Variants in P3H1 observed in about 807,000 individuals in gnomAD.
P3H1 encodes the protein growth suppressor 1.
Under a neutral mutation model 84.0 loss-of-function variants are expected in P3H1, and 69 were observed. That is an observed-to-expected ratio of 0.82 (90% CI 0.68 to 1.00). The LOEUF (loss-of-function observed/expected upper bound fraction) is 1.00, where lower values mean the gene tolerates loss of function less well. P3H1 is among the 50% of genes least tolerant of loss of function. P3H1 has a pLI of 0.00. For missense variants in P3H1, 878 were observed against 962.8 expected, an observed-to-expected ratio of 0.91 and a Z score of 1.17; for synonymous variants, 366 against 388.8, an observed-to-expected ratio of 0.94 and a Z score of 0.69.
In P3H1 at chr1:42,756,349, G is replaced by A. The variant is rs569962535; in HGVS notation, c.1081-712C>T. ...CCTCCCTGAGGATAAGCAGCTAAAG[G>A]GGAGGGCCTGGCACTCTGGGCTTCC... On this transcript the variant is annotated intron_variant, in intron 5 of 14. Transcript: ENST00000296388. The A allele has an allele frequency of 7.1e-3, 1,091 of 153,992 alleles. 7 individuals are homozygous for A. The highest frequency in any genetic ancestry group is 0.013 in the Non-Finnish European group (862 of 68,288). The allele number at this position is 153,992 out of a possible 1,614,324, so 9.5% of individuals were successfully genotyped here. A position where few individuals can be genotyped will look rare whatever the true frequency, so the allele number is the denominator to read the frequency against.
At chr1:42,757,098 G>T (rs1182758657) in intron 5 of P3H1, among the ~76,000 whole-genome samples, 6 of 152,170 alleles carry the variant, frequency 3.9e-5, no homozygotes, top group Non-Finnish European at 8.8e-5. Flanking sequence ...CAGGGAAAAG[G>T]TATTAACCAA....
At chr1:42,757,352 G>A (rs1416261266) in intron 5 of P3H1, among the ~76,000 whole-genome samples, 1 of 152,126 alleles carries the variant, frequency 6.6e-6, no homozygotes, top group East Asian at 1.9e-4. Flanking sequence ...TGAAAGATGG[G>A]AGAGAACAAA....
chr1:42,755,288 A>G (rs997318841), intron 6 of P3H1, 71 bp from the exon 7 acceptor site: 1 of 1,426,392 alleles, frequency 7.0e-7, no homozygotes, highest in Non-Finnish European at 9.9e-7. Context: ...CAATGCATAA[A>G]ATAAGGCCCA....
chr1:42,748,403 A>C, intron 11 of P3H1, 86 bp from the exon 12 acceptor site: 2 of 1,013,582 alleles, frequency 2.0e-6, no homozygotes, highest in Non-Finnish European at 3.1e-6. Context: ...GCTTCCCAAA[A>C]TGTGTTTGAG....
Position 42,750,198 on chromosome 1 carries a change from T to C in P3H1, c.1708A>G (p.Thr570Ala). The C allele has an allele frequency of 6.2e-7, 1 of 1,612,170 alleles. No homozygotes were observed. Among genetic ancestry groups the C allele is most frequent in the East Asian group, 2.2e-5 (1 of 44,800 alleles). The change falls in exon 11 of 15, where the codon ACT becomes GCT. Residue 570 changes from threonine to alanine, a missense_variant. By Grantham distance (58) the Thr-to-Ala change is moderately conservative. Transcript: ENST00000296388. ...TAATGAGGCCCACCTTCGATGGCAG[T>C]GCGGCACACCAGATGAGAGTAGGAA... Reference protein sequence around the residue: ...YFSYSHLVCRTAIEEVQAERK... With the variant: ...YFSYSHLVCRAAIEEVQAERK...
intron 1 of P3H1, among the ~76,000 whole-genome samples, chr1:42,764,423 C>CAAAAAA (rs769981372): frequency 2.4e-5 from 2 of 84,898 alleles, no homozygotes; most frequent in Non-Finnish European, 4.7e-5. Context: ...GACTCCATCT[C>CAAAAAA]AAAAAAAAAA....
chr1:42,762,245 T>G, intron 2 of P3H1, 78 bp downstream of exon 2: 1 of 1,480,766 alleles, frequency 6.8e-7, no homozygotes, highest in Non-Finnish European at 9.4e-7. Context: ...CACTCCAGCC[T>G]GGGTGACAGA....
At position 42,758,917 on chromosome 1, in the gene P3H1, C is replaced by T. The variant is rs769898182; in HGVS notation, c.875G>A (p.Arg292Gln). ...GAGGAAGTCTTCAAAGGGCTTCTCT[C>T]GACTTGGGTGGGAAGCAAGCTCCGT... ...CVTELASHPS[R>Q]EKPFEDFLPS... Residue 292 changes from arginine to glutamine, a missense_variant, in exon 4 of 15, where the codon CGA becomes CAA. Transcript: ENST00000296388. 2.1e-5 allele frequency: 34 copies of T among 1,613,996 alleles called. No homozygotes were observed. Among genetic ancestry groups the T allele is most frequent in the Non-Finnish European group, 2.8e-5 (33 of 1,179,990 alleles).
chr1:42,746,921 A>T (rs779131482), intron 14 of P3H1, 69 bp from the exon 15 acceptor site: 1 of 1,614,108 alleles, frequency 6.2e-7, no homozygotes, highest in Non-Finnish European at 8.5e-7. Flanking sequence ...CTCAGCTGCT[A>T]CTTCCCAGGG....
intron 10 of P3H1, among the ~76,000 whole-genome samples, chr1:42,751,259 G>A (rs377054146): frequency 2.0e-4 from 19 of 95,510 alleles, no homozygotes; most frequent in African/African-American, 7.5e-4. Flanking sequence ...CTGTTGATCT[G>A]TGACCTTATC....
At chr1:42,750,149 A>T (rs1187904062) in intron 11 of P3H1, 37 bp downstream of exon 11, 3 of 1,604,520 alleles carry the variant, frequency 1.9e-6, no homozygotes, top group Admixed American at 3.4e-5. Flanking sequence ...GAGGTACAGC[A>T]TGCGGGGGCG....
rs1351698192 is a variant in P3H1 at position 42,747,856 on chromosome 1, C to CTTCA, written c.1839-62_1839-59dup. On this transcript the variant is annotated intron_variant, in intron 12 of 14. Coordinates refer to ENST00000296388, the MANE Select transcript of P3H1 (RefSeq NM_022356.4). ...TTCCCTGCCTCCCTTTCCCCTGAGC[C>CTTCA]TTCACCTCCAGGTGCTCTCAACCAG... The CTTCA allele has an allele frequency of 7.8e-6, 12 of 1,530,828 alleles. No individual in the cohort carries two copies. The Admixed American group carries it at 2.0e-4, about 26-fold the overall frequency. 94.8% of individuals were successfully genotyped at this position (1,530,828 alleles called of 1,614,324 possible).
At position 42,758,864 on chromosome 1, in the gene P3H1, CA is replaced by C. The variant is rs780416632; in HGVS notation, c.927del (p.Phe309LeufsTer28). The C allele has an allele frequency of 4.3e-6, 7 of 1,614,022 alleles. No individual in the cohort carries two copies. In the Admixed American group the frequency reaches 8.3e-5, roughly 19 times the overall value. On this transcript the variant is annotated frameshift_variant, in exon 4 of 15. Coordinates refer to ENST00000296388, the MANE Select transcript of P3H1 (RefSeq NM_022356.4). LOFTEE classifies it high-confidence loss of function. ...AAGTAGGCCTTACTGTTATAGTAGG[CA>C]AACTGCAGATAATTATAATGCGATG... is the stretch of plus-strand genomic sequence containing the variant. ...FLPSHYNYLQFAYYNIGNYTQ... is the reference protein window; with the variant it reads ...FLPSHYNYLQXAYYNIGNYTQ...
At chr1:42,752,407 C>T (rs748739264) in intron 9 of P3H1, 38 bp from the exon 10 acceptor site, 2 of 1,610,804 alleles carry the variant, frequency 1.2e-6, no homozygotes, top group South Asian at 1.1e-5. Context: ...TTAGCCAGGG[C>T]AGCTGAGGGC....
chr1:42,766,188 C>T (rs967091827), intron 1 of P3H1, among the ~76,000 whole-genome samples: 2 of 152,228 alleles, frequency 1.3e-5, no homozygotes, highest in Non-Finnish European at 1.5e-5. Context: ...CTTACAATGA[C>T]ATCAGAATGG....
intron 10 of P3H1, among the ~76,000 whole-genome samples, chr1:42,751,220 A>G (rs1209955200): frequency 8.8e-6 from 1 of 113,670 alleles, no homozygotes; most frequent in African/African-American, 3.5e-5. Flanking sequence ...TTTGTTCTGT[A>G]CTAAGAAAAA....
intron 11 of P3H1, 86 bp downstream of exon 11, chr1:42,750,100 T>A (rs1010846612): frequency 1.1e-4 from 166 of 1,490,586 alleles, no homozygotes; most frequent in East Asian, 2.2e-4. Context: ...AGGGACCGCA[T>A]CCTGTTCTCT....
chr1:42,758,530 T>C (rs955281665), intron 4 of P3H1, among the ~76,000 whole-genome samples: 1 of 152,212 alleles, frequency 6.6e-6, no homozygotes, highest in Admixed American at 6.5e-5. Flanking sequence ...GGCTAGCAAA[T>C]GTCCTCTGAG....
chr1:42,766,931 G>C lies in P3H1; in HGVS notation c.41C>G (p.Ala14Gly), dbSNP rs368402870. 26 of 1,609,480 alleles carry C rather than the reference G, an allele frequency of 1.6e-5. 1 individual carries two copies. The highest frequency in any genetic ancestry group is 6.7e-5 in the East Asian group (3 of 44,866). The change falls in exon 1 of 15, where the codon GCT becomes GGT. Residue 14 changes from alanine (A) to glycine (G), a missense_variant. By Grantham distance (60) the Ala-to-Gly change is moderately conservative (BLOSUM62 0). Transcript: ENST00000296388. ...GGCTTGGGAGGCAGCGGCCACGACA[G>C]CCAGCAGTGTGGTCAGCAGCTTCAA... ...RALKLLTTLL[A>G]VVAAASQAEV... is the part of the protein sequence containing the mutation.
Sources: gnomAD v4.1 joint callset for allele counts (sites outside exome capture counted in the v4.1 genomes callset) on GRCh38, gnomAD v4.1.1 for gene constraint, MANE v1.5 for transcripts, NCBI Gene and HGNC (gene_info 2026-07-23, HGNC 2026-07-21) for gene names.